Variants in SPPL3 observed in about 807,000 individuals in gnomAD.
SPPL3 encodes signal peptide peptidase-like 3.
In SPPL3, 5 loss-of-function variants were observed where a neutral mutation model predicts 42.4. The observed-to-expected ratio is 0.12, with a 90% CI of 0.06 to 0.25. SPPL3 has a LOEUF of 0.25. SPPL3 is among the 10% of genes least tolerant of loss of function. The pLI is 1.00. For missense variants in SPPL3, 235 were observed against 489.0 expected (o/e 0.48, Z 4.90); for synonymous variants, 195 against 181.8 (o/e 1.07, Z -0.58).
At chr12:120,814,555 A>C (rs1435774672) in intron 1 of SPPL3, among the ~76,000 whole-genome samples, 1 of 152,226 alleles carries the variant, frequency 6.6e-6, no homozygotes, top group African/African-American at 2.4e-5. Flanking sequence ...CTTTGCACAC[A>C]TCTTCCAAAA....
intron 1 of SPPL3, among the ~76,000 whole-genome samples, chr12:120,813,095 T>C (rs963262922): frequency 7.2e-5 from 11 of 151,834 alleles, no homozygotes; most frequent in Non-Finnish European, 2.9e-5. Flanking sequence ...AGCTGGAGGG[T>C]AAATATAAGG....
chr12:120,887,131 G>A (rs1282245177), intron 1 of SPPL3, among the ~76,000 whole-genome samples: 5 of 151,876 alleles, frequency 3.3e-5, no homozygotes, highest in African/African-American at 7.3e-5. Flanking sequence ...TGTATTTTTA[G>A]TAGAGATGGG....
At chr12:120,854,416 AACATAC>A (rs1255203248) in intron 1 of SPPL3, among the ~76,000 whole-genome samples, 2 of 152,186 alleles carry the variant, frequency 1.3e-5, no homozygotes, top group African/African-American at 4.8e-5. Context: ...TAGTCTTGCC[AACATAC>A]AATGGAGAAG....
At chr12:120,809,885 A>G (rs140126362) in intron 2 of SPPL3, among the ~76,000 whole-genome samples, 4 of 152,348 alleles carry the variant, frequency 2.6e-5, no homozygotes, top group African/African-American at 7.2e-5. Context: ...TCAACCTTGG[A>G]TGTCAAGCCT....
At chr12:120,824,115 C>T (rs11608262) in intron 1 of SPPL3, among the ~76,000 whole-genome samples, 62,638 of 151,720 alleles carry the variant, frequency 0.41, 14,458 homozygotes, top group Middle Eastern at 0.56. Flanking sequence ...TGTGATTTGC[C>T]CGCCTCAGCC....
intron 3 of SPPL3, among the ~76,000 whole-genome samples, chr12:120,789,467 A>G (rs868156198): frequency 6.6e-6 from 1 of 150,980 alleles, no homozygotes; most frequent in Non-Finnish European, 1.5e-5. Context: ...AAAAAAGAAA[A>G]AAAGCATTTA....
intron 5 of SPPL3, 38 bp downstream of exon 5, chr12:120,783,636 C>T: frequency 4.5e-6 from 7 of 1,540,000 alleles, no homozygotes; most frequent in Non-Finnish European, 6.2e-6. Context: ...AAAATATATA[C>T]AAGTTTATAA....
chr12:120,810,999 G>GA, intron 1 of SPPL3, 113 bp from the exon 2 acceptor site: 1 of 590,974 alleles, frequency 1.7e-6, no homozygotes, highest in East Asian at 3.1e-5. Flanking sequence ...CTTTAAGAAG[G>GA]AAAAAAGGTA....
intron 1 of SPPL3, among the ~76,000 whole-genome samples, chr12:120,862,077 G>A (rs930451160): frequency 6.6e-6 from 1 of 152,106 alleles, no homozygotes; most frequent in Non-Finnish European, 1.5e-5. Context: ...AAACTTTTTA[G>A]TTCAGGACTC....
intron 1 of SPPL3, among the ~76,000 whole-genome samples, chr12:120,880,364 G>C (rs1181178818): frequency 6.6e-6 from 1 of 152,084 alleles, no homozygotes; most frequent in Non-Finnish European, 1.5e-5. Context: ...GGATTTGGCA[G>C]ATTTCATGGA....
At chr12:120,880,009 C>A (rs1213979669) in intron 1 of SPPL3, among the ~76,000 whole-genome samples, 3 of 149,250 alleles carry the variant, frequency 2.0e-5, no homozygotes, top group Non-Finnish European at 4.4e-5. Context: ...TTTCATTCCT[C>A]GGTTTAACAA....
chr12:120,897,162 C>T (rs939376038), intron 1 of SPPL3, among the ~76,000 whole-genome samples: 17 of 152,120 alleles, frequency 1.1e-4, no homozygotes, highest in African/African-American at 4.1e-4. Flanking sequence ...TGGCATTTGT[C>T]ATCTCTAAAA....
rs1467156592 is a variant in SPPL3, at chr12:120,763,927, C to T, written c.*1072G>A. On this transcript the variant is annotated 3_prime_UTR_variant, in exon 11 of 11. Coordinates refer to ENST00000353487, the MANE Select transcript of SPPL3 (RefSeq NM_139015.5). The stretch of plus-strand genomic sequence containing the variant: ...TAGAAAAATGTATTTACAAGTAGTA[C>T]GTTACTATGATGAGAAAGCACAAAG... The T allele has an allele frequency of 2.7e-5, 4 of 150,532 alleles. No homozygotes were observed. The highest frequency in any genetic ancestry group is 7.4e-5 in the African/African-American group (3 of 40,612). 9.3% of individuals were successfully genotyped at this position (150,532 alleles called of 1,614,324 possible).
At chr12:120,858,400 G>A (rs1872525925) in intron 1 of SPPL3, among the ~76,000 whole-genome samples, 1 of 150,882 alleles carries the variant, frequency 6.6e-6, no homozygotes, top group African/African-American at 2.4e-5. Flanking sequence ...AGGTTGCAGT[G>A]AGCCAAGATC....
chr12:120,852,298 T>C (rs1456106259), intron 1 of SPPL3, among the ~76,000 whole-genome samples: 1 of 148,480 alleles, frequency 6.7e-6, no homozygotes, highest in Non-Finnish European at 1.5e-5. Context: ...ATTAAAGATA[T>C]ATATCTTTAT....
chr12:120,852,164 C>A (rs909177070), intron 1 of SPPL3, among the ~76,000 whole-genome samples: 1 of 151,948 alleles, frequency 6.6e-6, no homozygotes, highest in Admixed American at 6.6e-5. Flanking sequence ...CCTGCTCTGA[C>A]GAAAGTGTGC....
chr12:120,863,468 A>C lies in SPPL3; in HGVS notation c.23+40377T>G, dbSNP rs151313551. Among the ~76,000 whole-genome samples the C allele has an allele frequency of 2.6e-5, 4 of 152,362 alleles. 1 individual carries two copies. The highest frequency in any genetic ancestry group is 9.6e-5 in the African/African-American group (4 of 41,584). On this transcript the variant is annotated intron_variant, in intron 1 of 10. Transcript: ENST00000353487. ...TTTAATGTCTGGCTTAATCGAAGTC[A>C]GCAGTATTCTCGTATCTGCTTCGGC... is the stretch of plus-strand genomic sequence containing the variant.
intron 3 of SPPL3, among the ~76,000 whole-genome samples, chr12:120,785,878 G>T (rs1171065370): frequency 7.5e-6 from 1 of 133,598 alleles, no homozygotes; most frequent in Non-Finnish European, 1.6e-5. Context: ...TTGGGAGGCT[G>T]AAGTGGGAGG....
intron 1 of SPPL3, among the ~76,000 whole-genome samples, chr12:120,815,926 T>C (rs1870857732): frequency 6.6e-6 from 1 of 151,954 alleles, no homozygotes; most frequent in African/African-American, 2.4e-5. Flanking sequence ...GACAGGGTTT[T>C]GTCACGTTGC....
Sources: allele counts gnomAD v4.1 joint callset (sites outside exome capture counted in the v4.1 genomes callset), GRCh38; gene constraint gnomAD v4.1.1; transcripts MANE v1.5; gene names NCBI Gene and HGNC (gene_info 2026-07-23, HGNC 2026-07-21).